POLB: variants seen among roughly 807,000 people sequenced by gnomAD.
The protein encoded by POLB is DNA polymerase beta.
In POLB, 37 loss-of-function variants were observed where a neutral mutation model predicts 52.7. The ratio of observed to expected loss-of-function variants is 0.70; its 90% CI spans 0.54 to 0.92. The LOEUF is 0.92. Among genes scored for constraint, POLB ranks in the 40% least tolerant of loss-of-function variants. The pLI is 0.00. For synonymous variants in POLB, 138 were observed against 131.3 expected (o/e 1.05, Z -0.35); for missense variants, 313 against 400.8 (o/e 0.78, Z 1.87).
intron 6 of POLB, among the ~76,000 whole-genome samples, chr8:42,353,522 G>A (rs1321931295): frequency 6.6e-6 from 1 of 152,062 alleles, no homozygotes; most frequent in South Asian, 2.1e-4. Flanking sequence ...AGGAATTTTT[G>A]CTTTCAAAGA....
At position 42,343,369 on chromosome 8, in the gene POLB, T is replaced by TATATGTATACAC. The variant is rs761101423; in HGVS notation, c.120-1583_120-1582insTATGTATACACA. On this transcript the variant is annotated intron_variant, in intron 2 of 13. Transcript: ENST00000265421. Reference sequence around the variant, plus strand: ...AAATATATATATATATATATATATATACACAAAATTAGCCAGGTGTGGTAG... The same window carrying TATATGTATACAC: ...AAATATATATATATATATATATATATATATGTATACACACACAAAATTAGCCAGGTGTGGTAG... Among the ~76,000 whole-genome samples the TATATGTATACAC allele has an allele frequency of 3.3e-4, 12 of 36,288 alleles. 1 individual carries two copies. The highest frequency in any genetic ancestry group is 6.7e-4 in the Non-Finnish European group (9 of 13,502). 23.8% of individuals were successfully genotyped at this position (36,288 alleles called of 152,430 possible).
At chr8:42,344,208 T>C (rs1221425702) in intron 2 of POLB, among the ~76,000 whole-genome samples, 2 of 150,178 alleles carry the variant, frequency 1.3e-5, no homozygotes, top group Non-Finnish European at 3.0e-5. Context: ...GGTTCACACC[T>C]GTAATCCTAG....
intron 2 of POLB, chr8:42,342,241 T>C (rs1475006394): frequency 6.5e-7 from 1 of 1,544,100 alleles, no homozygotes; most frequent in South Asian, 1.1e-5. Context: ...CAATGCTTTC[T>C]ACATTGTATT....
chr8:42,354,317 C>T (rs1285952841), intron 6 of POLB: 12 of 417,236 alleles, frequency 2.9e-5, no homozygotes, highest in African/African-American at 1.1e-4. Flanking sequence ...TTATTTTTCT[C>T]GATTTTATAT....
rs757853480 is a variant in POLB, at chr8:42,369,824, T to G, written c.774-25T>G. The G allele has an allele frequency of 3.3e-6, 5 of 1,524,750 alleles. No homozygotes were observed. In the African/African-American group the frequency reaches 4.2e-5, roughly 13 times the overall value. The allele number at this position is 1,524,750 out of a possible 1,614,324, so 94.5% of individuals were successfully genotyped here. A position where few individuals can be genotyped will look rare whatever the true frequency, so the allele number is the denominator to read the frequency against. ...AAACTTGAAATGCATGGTAAAAAAATGTATCTACTGTCCATTTTTTTTAGG... is the reference window on the plus strand; with the variant it reads ...AAACTTGAAATGCATGGTAAAAAAAGGTATCTACTGTCCATTTTTTTTAGG... On this transcript the variant is annotated intron_variant, in intron 12 of 13. Transcript: ENST00000265421.
chr8:42,342,097 A>G, intron 2 of POLB: 2 of 1,183,190 alleles, frequency 1.7e-6, no homozygotes, highest in Non-Finnish European at 2.5e-6. Context: ...TGCTTTCAGA[A>G]TCATAACCAG....
intron 7 of POLB, among the ~76,000 whole-genome samples, chr8:42,356,332 A>G (rs1823314866): frequency 1.3e-5 from 2 of 152,332 alleles, no homozygotes; most frequent in South Asian, 2.1e-4. Flanking sequence ...GTTCTGAAGA[A>G]CTGGTTTGCT....
At chr8:42,357,009 C>T (rs1823355544) in intron 7 of POLB, among the ~76,000 whole-genome samples, 160 bp from the exon 8 acceptor site, 1 of 151,938 alleles carries the variant, frequency 6.6e-6, no homozygotes, top group Admixed American at 6.6e-5. Flanking sequence ...TTCACTCCAC[C>T]CCCAATTTTG....
intron 6 of POLB, 35 bp downstream of exon 6, chr8:42,352,603 A>T: frequency 7.8e-7 from 1 of 1,288,516 alleles, no homozygotes; most frequent in Non-Finnish European, 1.1e-6. Context: ...TTCCAGATTA[A>T]ATATGGTCCT....
chr8:42,350,026 G>T lies in POLB; in HGVS notation c.281G>T (p.Ser94Ile). The T allele has an allele frequency of 6.2e-7, 1 of 1,606,452 alleles. No individual in the cohort carries two copies. The highest frequency in any genetic ancestry group is 8.5e-7 in the Non-Finnish European group (1 of 1,173,180). Residue 94 changes from serine (S) to isoleucine (I), a missense_variant, in exon 5 of 14, where the codon AGT (serine) becomes ATT (isoleucine). Around this residue, in one of 3 missense-constraint regions of POLB, gnomAD observed 246 missense variants for 297.6 expected, o/e 0.83. Coordinates refer to ENST00000265421, the MANE Select transcript of POLB (RefSeq NM_002690.3). ...TTAAAGATTCGGCAGGATGATACGA[G>T]TTCATCCATCAATTTCCTGACTCGA... is the stretch of plus-strand genomic sequence containing the variant. ...KLEKIRQDDT[S>I]SSINFLTRVS... is the part of the protein sequence containing the mutation.
chr8:42,343,321 CAAAAAAAAAAA>C (rs1157325948), intron 2 of POLB, among the ~76,000 whole-genome samples: 113 of 2,826 alleles, frequency 0.04, 15 homozygotes, highest in South Asian at 0.38. Context: ...GACTGCGTCT[CAAAAAAAAAAA>C]AAAAAAAAAA....
At chr8:42,358,358 C>G (rs1470021625) in intron 9 of POLB, among the ~76,000 whole-genome samples, 3 of 151,908 alleles carry the variant, frequency 2.0e-5, no homozygotes. Flanking sequence ...AAAAATTAGC[C>G]AAGCGTAGTG....
At chr8:42,347,465 C>T (rs991901588) in intron 3 of POLB, among the ~76,000 whole-genome samples, 1 of 151,286 alleles carries the variant, frequency 6.6e-6, no homozygotes, top group Non-Finnish European at 1.5e-5. Context: ...ATTATCTAAT[C>T]TATTCCTTCT....
intron 2 of POLB, 66 bp downstream of exon 2, chr8:42,339,135 C>A: frequency 8.1e-7 from 1 of 1,230,546 alleles, no homozygotes; most frequent in Non-Finnish European, 1.2e-6. Flanking sequence ...TGGCAATTAA[C>A]AGGACTGAGG....
chr8:42,339,889 G>A (rs1822093263), intron 2 of POLB: 1 of 151,980 alleles, frequency 6.6e-6, no homozygotes, highest in Non-Finnish European at 1.5e-5. Context: ...CTATAAATAT[G>A]TGCAAGTCCC....
chr8:42,362,783 C>T, intron 11 of POLB, 85 bp downstream of exon 11: 1 of 717,168 alleles, frequency 1.4e-6, no homozygotes, highest in South Asian at 1.7e-5. Context: ...TTCATGGTAG[C>T]TTTGAATTAC....
At chr8:42,342,460 T>C (rs1439840098) in intron 2 of POLB, 13 of 1,222,544 alleles carry the variant, frequency 1.1e-5, no homozygotes, top group African/African-American at 3.0e-5. Flanking sequence ...ACAATTGATA[T>C]CTCTGTTTGT....
intron 3 of POLB, among the ~76,000 whole-genome samples, chr8:42,348,258 A>T (rs1277973139): frequency 6.6e-6 from 1 of 152,178 alleles, no homozygotes; most frequent in African/African-American, 2.4e-5. Context: ...CACTAGGGAT[A>T]AAAAAATGAA....
At chr8:42,361,060 A>G (rs1252599334) in intron 9 of POLB, 16 of 665,088 alleles carry the variant, frequency 2.4e-5, no homozygotes, top group Admixed American at 4.1e-5. Context: ...GTTGTATGCA[A>G]TGTATATCTA....
Sources: gnomAD v4.1 joint callset for allele counts (sites outside exome capture counted in the v4.1 genomes callset) on GRCh38, gnomAD v4.1.1 for gene constraint, gnomAD v4.1.1 regional missense constraint, MANE v1.5 for transcripts, NCBI Gene and HGNC (gene_info 2026-07-23, HGNC 2026-07-21) for gene names.